The following RSPO2 variants were observed in gnomAD, a reference collection of about 807,000 sequenced individuals.
RSPO2 encodes the protein R-spondin-2.
In RSPO2, 14 loss-of-function variants were observed where a neutral mutation model predicts 30.9. The observed-to-expected ratio is 0.45, with a 90% confidence interval of 0.30 to 0.71. The LOEUF (loss-of-function observed/expected upper bound fraction) is 0.71. RSPO2 is among the 30% of genes least tolerant of loss of function. The pLI is 0.08. For synonymous variants in RSPO2, 107 were observed against 96.4 expected (o/e 1.11, Z -0.64); for missense variants, 264 against 301.9 (o/e 0.87, Z 0.93).
chr8:108,061,130 C>T (rs1041015684), intron 2 of RSPO2, among the ~76,000 whole-genome samples: 1 of 151,756 alleles, frequency 6.6e-6, no homozygotes, highest in South Asian at 2.1e-4. Context: ...CATCAACTAA[C>T]AAGCAAAATA....
intron 2 of RSPO2, among the ~76,000 whole-genome samples, chr8:108,042,298 A>C (rs1024466843): frequency 1.3e-5 from 2 of 152,160 alleles, no homozygotes; most frequent in Non-Finnish European, 2.9e-5. Flanking sequence ...GACTGGTGAT[A>C]ACGTGGGGGA....
intron 2 of RSPO2, among the ~76,000 whole-genome samples, chr8:108,057,055 C>CAAAAAAAAAAAAAAAAAAAAAAAAAAAAA (rs56727719): frequency 1.1e-4 from 4 of 36,070 alleles, no homozygotes; most frequent in African/African-American, 1.9e-4. Flanking sequence ...GACTCTGTCT[C>CAAAAAAAAAAAAAAAAAAAAAAAAAAAAA]AAAAAAAAAA....
intron 2 of RSPO2, among the ~76,000 whole-genome samples, chr8:107,991,771 A>C (rs558032594): frequency 5.7e-4 from 87 of 152,352 alleles, no homozygotes; most frequent in South Asian, 1.7e-3. Context: ...CGTGGCCAAC[A>C]ATCATATGAA....
intron 5 of RSPO2, among the ~76,000 whole-genome samples, chr8:107,904,770 C>T (rs1367497732): frequency 1.3e-5 from 2 of 152,000 alleles, no homozygotes; most frequent in Non-Finnish European, 2.9e-5. Context: ...AGTTATGAGA[C>T]ACTGTGAAAA....
chr8:108,073,572 T>C lies in RSPO2; in HGVS notation c.94+8973A>G, dbSNP rs182185482. On this transcript the variant is annotated intron_variant, in intron 2 of 5. Transcript: ENST00000276659. ...AAGTCAGATCAATGCCAGCACCACA[T>C]GTCACCAGCTGGAAAGCTACAACAG... Among the ~76,000 whole-genome samples the C allele has an allele frequency of 2.1e-4, 32 of 152,342 alleles. No individual in the cohort carries two copies. In the East Asian group the frequency reaches 6.2e-3, roughly 29 times the overall value.
chr8:108,024,951 C>T (rs1811162768), intron 2 of RSPO2, among the ~76,000 whole-genome samples: 1 of 151,950 alleles, frequency 6.6e-6, no homozygotes. Flanking sequence ...GCCCAGGAGG[C>T]AGAGGGGCAG....
intron 2 of RSPO2, among the ~76,000 whole-genome samples, chr8:108,065,092 G>A (rs1812618718): frequency 6.6e-6 from 1 of 151,882 alleles, no homozygotes; most frequent in Non-Finnish European, 1.5e-5. Context: ...AATGGGTGCA[G>A]CACACCAACA....
intron 5 of RSPO2, among the ~76,000 whole-genome samples, chr8:107,902,918 G>A (rs1026485962): frequency 5.3e-5 from 8 of 151,986 alleles, no homozygotes; most frequent in African/African-American, 1.9e-4. Flanking sequence ...ATGTTATAAT[G>A]GCAGTTTGCC....
intron 2 of RSPO2, among the ~76,000 whole-genome samples, chr8:108,048,114 C>T (rs1811963383): frequency 1.3e-5 from 2 of 151,944 alleles, no homozygotes; most frequent in African/African-American, 4.8e-5. Flanking sequence ...ATACTACTCG[C>T]CTTCATTTAG....
intron 2 of RSPO2, among the ~76,000 whole-genome samples, chr8:108,061,499 T>C (rs1403559140): frequency 4.0e-5 from 6 of 151,742 alleles, no homozygotes; most frequent in Admixed American, 6.6e-5. Context: ...CCTAAATATA[T>C]ATGCACCCAA....
At chr8:108,023,615 G>T (rs564307757) in intron 2 of RSPO2, among the ~76,000 whole-genome samples, 2 of 152,318 alleles carry the variant, frequency 1.3e-5, no homozygotes, top group South Asian at 2.1e-4. Context: ...GTTACTGACG[G>T]TGTTGCAGAG....
At chr8:108,043,894 T>C (rs1811831991) in intron 2 of RSPO2, among the ~76,000 whole-genome samples, 2 of 152,042 alleles carry the variant, frequency 1.3e-5, no homozygotes, top group African/African-American at 4.8e-5. Context: ...CAAACTCAGC[T>C]TTAGAAATAA....
chr8:107,907,010 T>C (rs1811670051), intron 5 of RSPO2, among the ~76,000 whole-genome samples: 1 of 151,768 alleles, frequency 6.6e-6, no homozygotes, highest in African/African-American at 2.4e-5. Context: ...ACATATACAT[T>C]TTACTTATGT....
intron 2 of RSPO2, among the ~76,000 whole-genome samples, chr8:108,069,634 C>A (rs757127002): frequency 1.3e-5 from 2 of 152,136 alleles, no homozygotes; most frequent in Non-Finnish European, 2.9e-5. Flanking sequence ...TCCTAAATGT[C>A]CTGTTCAACT....
chr8:108,067,652 G>C (rs1222024219), intron 2 of RSPO2, among the ~76,000 whole-genome samples: 2 of 152,176 alleles, frequency 1.3e-5, no homozygotes, highest in Non-Finnish European at 2.9e-5. Context: ...GGCAGTGCCA[G>C]CATTTGACAC....
intron 2 of RSPO2, among the ~76,000 whole-genome samples, chr8:108,056,463 T>C (rs114908299): frequency 0.027 from 3,103 of 113,270 alleles, 120 homozygotes; most frequent in African/African-American, 0.17. Flanking sequence ...TATAAAAATA[T>C]ACAAAAAAAA....
intron 2 of RSPO2, among the ~76,000 whole-genome samples, chr8:108,026,873 A>T (rs537941247): frequency 6.6e-6 from 1 of 152,164 alleles, no homozygotes; most frequent in Non-Finnish European, 1.5e-5. Flanking sequence ...CTCAAAAAAA[A>T]AATACTAACA....
chr8:108,050,560 T>TA (rs1027048845), intron 2 of RSPO2, among the ~76,000 whole-genome samples: 9 of 151,952 alleles, frequency 5.9e-5, no homozygotes, highest in African/African-American at 1.7e-4. Flanking sequence ...ATTTCCAGTT[T>TA]AAAAAAAAGA....
chr8:108,078,043 CAGTTTGTCTCTAAA>C (rs1443528616), intron 2 of RSPO2, among the ~76,000 whole-genome samples: 1 of 152,060 alleles, frequency 6.6e-6, no homozygotes, highest in Non-Finnish European at 1.5e-5. Flanking sequence ...ACAAACTGGC[CAGTTTGTCTCTAAA>C]TAAGAGGTGG....
Sources: gnomAD v4.1 joint callset for allele counts (sites outside exome capture counted in the v4.1 genomes callset) on GRCh38, gnomAD v4.1.1 for gene constraint, MANE v1.5 for transcripts, NCBI Gene and HGNC (gene_info 2026-07-23, HGNC 2026-07-21) for gene names.